Variants in DAPK1 observed in about 807,000 individuals in gnomAD.
DAPK1 encodes the protein death associated protein kinase 1, also known as death-associated protein kinase 1.
DAPK1 carries 56 observed loss-of-function variants against 144.9 expected under a neutral mutation model. The ratio of observed to expected loss-of-function variants is 0.39; its 90% CI spans 0.31 to 0.48. The LOEUF (loss-of-function observed/expected upper bound fraction) is 0.48. Ranked by LOEUF, DAPK1 falls within the 20% of genes least tolerant of loss-of-function variation. The pLI, the probability that DAPK1 is intolerant of heterozygous loss-of-function variation, is 0.95. For synonymous variants in DAPK1, 690 were observed against 749.0 expected (o/e 0.92, Z 1.29); for missense variants, 1,454 against 1,875.4 (o/e 0.78, Z 4.15).
chr9:87,523,284 A>C (rs1481560889), intron 2 of DAPK1, among the ~76,000 whole-genome samples: 2 of 151,340 alleles, frequency 1.3e-5, no homozygotes, highest in African/African-American at 4.9e-5. Context: ...ACAGTTAGAA[A>C]GGCCCTTACC....
upstream of DAPK1, chr9:87,497,355 G>C (rs1309609541): frequency 1.3e-5 from 2 of 152,194 alleles, no homozygotes; most frequent in Non-Finnish European, 2.9e-5. Context: ...CGTGGTAAAC[G>C]TAGGACTGAT....
chr9:87,580,380 TA>T (rs1373749027), intron 2 of DAPK1, among the ~76,000 whole-genome samples: 1 of 152,190 alleles, frequency 6.6e-6, no homozygotes, highest in East Asian at 1.9e-4. Context: ...CCTTCTATGG[TA>T]AAAGGGATTT....
At chr9:87,516,070 T>C (rs1380346449) in intron 2 of DAPK1, among the ~76,000 whole-genome samples, 1 of 152,156 alleles carries the variant, frequency 6.6e-6, no homozygotes, top group Non-Finnish European at 1.5e-5. Context: ...CATCCCTGCC[T>C]CTGAAGGGAT....
At chr9:87,696,701 C>A (rs1825270229) in intron 21 of DAPK1, among the ~76,000 whole-genome samples, 1 of 152,142 alleles carries the variant, frequency 6.6e-6, no homozygotes, top group Admixed American at 6.5e-5. Context: ...CTCACAAGAG[C>A]AAGAACACAC....
At chr9:87,579,238 A>T (rs558339900) in intron 2 of DAPK1, among the ~76,000 whole-genome samples, 2 of 152,302 alleles carry the variant, frequency 1.3e-5, no homozygotes, top group East Asian at 3.9e-4. Flanking sequence ...GCCTCTCACT[A>T]AAATAATCAG....
chr9:87,565,941 T>A (rs1827104392), intron 2 of DAPK1, among the ~76,000 whole-genome samples: 1 of 152,122 alleles, frequency 6.6e-6, no homozygotes, highest in Admixed American at 6.6e-5. Context: ...CCCAGAGAAG[T>A]TAAGCATCTT....
intron 1 of DAPK1, chr9:87,498,415 A>AC (rs1325025144): frequency 3.2e-6 from 1 of 315,020 alleles, no homozygotes; most frequent in African/African-American, 2.2e-5. Flanking sequence ...GGGCGGCCGC[A>AC]CGCCGGGTCG....
At chr9:87,512,412 T>C (rs1181676794) in intron 2 of DAPK1, among the ~76,000 whole-genome samples, 1 of 152,196 alleles carries the variant, frequency 6.6e-6, no homozygotes, top group African/African-American at 2.4e-5. Flanking sequence ...TCCATTCAGT[T>C]GTGACATGTA....
At position 87,607,469 on chromosome 9, in the gene DAPK1, G is replaced by A. The variant is rs558196835; in HGVS notation, c.284+2294G>A. On this transcript the variant is annotated intron_variant, in intron 3 of 25. Coordinates refer to ENST00000408954, the MANE Select transcript of DAPK1 (RefSeq NM_004938.4). Reference sequence around the variant, plus strand: ...ATGCCTATGAGTCACTGCCCCTCTTGTGCCTCTCTGCGTGTACATATTGTG... The same window carrying A: ...ATGCCTATGAGTCACTGCCCCTCTTATGCCTCTCTGCGTGTACATATTGTG... 7.2e-4 allele frequency among the ~76,000 whole-genome samples: 109 copies of A among 152,248 alleles called. 2 individuals carry two copies. In the South Asian group the frequency reaches 0.015, roughly 21 times the overall value.
At chr9:87,507,508 A>G (rs1278191649) in intron 2 of DAPK1, among the ~76,000 whole-genome samples, 3 of 152,226 alleles carry the variant, frequency 2.0e-5, no homozygotes, top group Non-Finnish European at 4.4e-5. Flanking sequence ...TCTGGTGTTC[A>G]CGGGGCTTTT....
At chr9:87,700,372 G>A in intron 24 of DAPK1, 135 bp downstream of exon 24, 2 of 653,936 alleles carry the variant, frequency 3.1e-6, no homozygotes, top group East Asian at 2.5e-5. Context: ...AGTGCCCTGG[G>A]AAAAGAAAGG....
Position 87,698,660 on chromosome 9 carries a change from C to T in DAPK1, c.2616C>T (p.Phe872=), listed in dbSNP as rs770623157. 9.4e-6 allele frequency: 15 copies of T among 1,603,174 alleles called. No homozygotes were observed. The highest frequency in any genetic ancestry group is 1.7e-5 in the Admixed American group (1 of 59,944). Residue 872 remains phenylalanine (F), a synonymous_variant, in exon 23 of 26, where the codon TTC becomes TTT. Transcript: ENST00000408954. ...CAGTTCCCTCTCTGCCCCCAGCCTT[C>T]GGTGGCAAGCTGAAGAACCCACTCC... ...SLVPVEEPIA[F]GGKLKNPLQV...
At chr9:87,636,954 G>A (rs1019165084) in intron 3 of DAPK1, among the ~76,000 whole-genome samples, 3 of 152,250 alleles carry the variant, frequency 2.0e-5, no homozygotes, top group East Asian at 3.9e-4. Context: ...GCTCTGGCGG[G>A]GAGTGGGGCA....
At chr9:87,690,351 T>A (rs1825012256) in intron 21 of DAPK1, among the ~76,000 whole-genome samples, 1 of 152,160 alleles carries the variant, frequency 6.6e-6, no homozygotes, top group African/African-American at 2.4e-5. Flanking sequence ...GTAGGTTGAT[T>A]TTGTATCCTG....
chr9:87,640,716 C>T, intron 8 of DAPK1, 86 bp from the exon 9 acceptor site: 7 of 1,414,228 alleles, frequency 4.9e-6, no homozygotes, highest in Non-Finnish European at 7.0e-6. Context: ...ACAGTATCTG[C>T]TTGGCAGGCC....
chr9:87,641,622 C>T (rs955828266), intron 9 of DAPK1, among the ~76,000 whole-genome samples: 3 of 152,158 alleles, frequency 2.0e-5, no homozygotes, highest in Non-Finnish European at 4.4e-5. Context: ...CTCTGAGATC[C>T]CTCTCAGCTC....
chr9:87,642,594 A>G (rs1316786618), intron 10 of DAPK1, among the ~76,000 whole-genome samples: 1 of 152,132 alleles, frequency 6.6e-6, no homozygotes, highest in Non-Finnish European at 1.5e-5. Flanking sequence ...CCTGGAACAA[A>G]TCACACTTCA....
chr9:87,691,189 G>A (rs1018285391), intron 21 of DAPK1, among the ~76,000 whole-genome samples: 1 of 151,840 alleles, frequency 6.6e-6, no homozygotes, highest in African/African-American at 2.4e-5. Context: ...TTATTGGTCT[G>A]CTCTAGTTTT....
intron 2 of DAPK1, 62 bp downstream of exon 2, chr9:87,499,201 T>C: frequency 7.2e-7 from 1 of 1,386,008 alleles, no homozygotes; most frequent in South Asian, 1.2e-5. Context: ...ATGGGGCCAT[T>C]GGGTGGTAAA....
Sources: gnomAD v4.1 joint callset for allele counts (sites outside exome capture counted in the v4.1 genomes callset) on GRCh38, gnomAD v4.1.1 for gene constraint, MANE v1.5 for transcripts, NCBI Gene and HGNC (gene_info 2026-07-23, HGNC 2026-07-21) for gene names.